Variants in HECW2 observed in about 807,000 individuals in gnomAD.
HECW2 encodes the protein HECT, C2 and WW domain containing E3 ubiquitin protein ligase 2, also known as E3 ubiquitin-protein ligase HECW2.
A neutral mutation model predicts 175.2 loss-of-function variants in HECW2; 61 were observed. That is an observed-to-expected ratio of 0.35 (90% CI 0.28 to 0.43). The LOEUF (loss-of-function observed/expected upper bound fraction) is 0.43. Among genes scored for constraint, HECW2 ranks in the 20% least tolerant of loss-of-function variants. The probability of loss-of-function intolerance (pLI) is 1.00; values close to 1 mark genes in which losing one functional copy is unlikely to be tolerated. For missense variants in HECW2, 1,524 were observed against 2,000.5 expected, an observed-to-expected ratio of 0.76 and a Z score of 4.54; for synonymous variants, 671 against 731.0, an observed-to-expected ratio of 0.92 and a Z score of 1.32.
intron 3 of HECW2, among the ~76,000 whole-genome samples, chr2:196,342,557 G>T (rs964383776): frequency 2.0e-5 from 3 of 151,880 alleles, no homozygotes; most frequent in African/African-American, 7.3e-5. Flanking sequence ...AATATTGGTG[G>T]CAACTATAAA....
intron 1 of HECW2, among the ~76,000 whole-genome samples, chr2:196,486,428 G>A (rs1190765136): frequency 2.0e-5 from 3 of 152,078 alleles, no homozygotes; most frequent in African/African-American, 2.4e-5. Flanking sequence ...ACATGGTCAC[G>A]CACTACAGAT....
At chr2:196,505,562 C>G (rs1687731649) in intron 1 of HECW2, among the ~76,000 whole-genome samples, 2 of 151,590 alleles carry the variant, frequency 1.3e-5, no homozygotes, top group South Asian at 4.2e-4. Context: ...AAAGAGAAAA[C>G]AAAGAAACTA....
intron 1 of HECW2, among the ~76,000 whole-genome samples, chr2:196,562,040 C>G (rs1690019683): frequency 6.6e-6 from 1 of 152,224 alleles, no homozygotes; most frequent in Admixed American, 6.5e-5. Flanking sequence ...CTTTAGACAG[C>G]ATATTTAGAT....
chr2:196,358,130 A>C (rs1317051884), intron 2 of HECW2, among the ~76,000 whole-genome samples: 1 of 152,120 alleles, frequency 6.6e-6, no homozygotes, highest in Non-Finnish European at 1.5e-5. Flanking sequence ...TGGATTTATG[A>C]CCTTGGGCAA....
intron 2 of HECW2, among the ~76,000 whole-genome samples, chr2:196,427,304 T>G (rs1433203879): frequency 1.4e-5 from 1 of 70,108 alleles, no homozygotes; most frequent in Non-Finnish European, 3.5e-5. Flanking sequence ...ATTTTCGTTA[T>G]GCAAAATTAA....
intron 1 of HECW2, among the ~76,000 whole-genome samples, chr2:196,489,474 C>T (rs1263015549): frequency 6.6e-6 from 1 of 151,942 alleles, no homozygotes; most frequent in Non-Finnish European, 1.5e-5. Flanking sequence ...GACCAAAGAA[C>T]CCACATCATG....
intron 13 of HECW2, among the ~76,000 whole-genome samples, chr2:196,304,096 T>C (rs1474984189): frequency 2.6e-5 from 4 of 152,152 alleles, no homozygotes; most frequent in African/African-American, 9.7e-5. Context: ...GAAAACCCTT[T>C]CAGAATAAAG....
rs550110203 is a variant in HECW2, at chr2:196,576,478, G to A, written c.-36+17030C>T. On this transcript the variant is annotated intron_variant, in intron 1 of 28. Coordinates refer to ENST00000644978, the MANE Select transcript of HECW2 (RefSeq NM_001348768.2). The stretch of plus-strand genomic sequence containing the variant: ...TAGTCCAGAAAGACAAGTACTGCAT[G>A]ATCTCACTTATATGTGGAATCGAAA... Among the ~76,000 whole-genome samples the A allele has an allele frequency of 2.6e-5, 4 of 152,268 alleles. No individual in the cohort carries two copies. In the South Asian group the frequency reaches 8.3e-4, roughly 32 times the overall value.
intron 21 of HECW2, among the ~76,000 whole-genome samples, chr2:196,237,176 C>CT (rs141895432): frequency 0.028 from 4,292 of 151,296 alleles, 170 homozygotes; most frequent in African/African-American, 0.096. Flanking sequence ...AGCAGTGATT[C>CT]TTTTTTTTTA....
chr2:196,521,315 A>G (rs1688372355), intron 1 of HECW2, among the ~76,000 whole-genome samples: 1 of 150,968 alleles, frequency 6.6e-6, no homozygotes, highest in South Asian at 2.1e-4. Flanking sequence ...AAAGAAAGAA[A>G]AAGAAAATCC....
intron 20 of HECW2, 124 bp downstream of exon 20, chr2:196,241,960 A>G (rs1688473274): frequency 5.8e-6 from 5 of 857,008 alleles, no homozygotes. Context: ...ACAAATTCCA[A>G]AATAATTATG....
chr2:196,252,049 A>C (rs774274607), intron 19 of HECW2, among the ~76,000 whole-genome samples: 2 of 151,710 alleles, frequency 1.3e-5, no homozygotes, highest in Non-Finnish European at 2.9e-5. Context: ...AAATACAAAA[A>C]TTTGCTGGGC....
intron 28 of HECW2, among the ~76,000 whole-genome samples, chr2:196,214,031 C>G (rs1687383131): frequency 6.6e-6 from 1 of 152,208 alleles, no homozygotes; most frequent in Admixed American, 6.5e-5. Flanking sequence ...ATATGTATTA[C>G]AGATGATGGT....
chr2:196,443,194 T>A (rs59306455), intron 1 of HECW2, among the ~76,000 whole-genome samples: 2 of 151,890 alleles, frequency 1.3e-5, no homozygotes, highest in South Asian at 2.1e-4. Context: ...CTGAAGGCAG[T>A]TGGGGAGAAG....
chr2:196,386,137 A>G (rs1041641755), intron 2 of HECW2, among the ~76,000 whole-genome samples: 6 of 152,250 alleles, frequency 3.9e-5, no homozygotes, highest in Admixed American at 3.3e-4. Context: ...CTTAGGATAC[A>G]TGAGTGAATT....
At chr2:196,398,795 T>G (rs140811793) in intron 2 of HECW2, among the ~76,000 whole-genome samples, 155 of 152,228 alleles carry the variant, frequency 1.0e-3, no homozygotes, top group African/African-American at 3.5e-3. Context: ...GCTCAATAAC[T>G]CTGAGGAGAA....
In HECW2 at chr2:196,318,796, C is replaced by T. The variant is rs761152881; in HGVS notation, c.2094G>A (p.Gln698=). ...PTSSGPAEGS[Q]ESVCTAGSLP... ...AAGAACCAGCAGTGCACACGGATTCCTGCGACCCTTCGGCAGGGCCACTGC... is the reference window on the plus strand; with the variant it reads ...AAGAACCAGCAGTGCACACGGATTCTTGCGACCCTTCGGCAGGGCCACTGC... The change falls in exon 9 of 29, where the codon CAG becomes CAA. Residue 698 remains glutamine (Q), a synonymous_variant. Transcript: ENST00000644978. 1.1e-4 allele frequency: 162 copies of T among 1,528,242 alleles called. 1 individual carries two copies. The highest frequency in any genetic ancestry group is 9.3e-4 in the South Asian group (72 of 77,034). The allele number at this position is 1,528,242 out of a possible 1,614,324, so 94.7% of individuals were successfully genotyped here.
chr2:196,375,397 C>T (rs1694024913), intron 2 of HECW2, among the ~76,000 whole-genome samples: 1 of 152,200 alleles, frequency 6.6e-6, no homozygotes. Context: ...AGAAATCACA[C>T]TGCAATCAAT....
intron 1 of HECW2, among the ~76,000 whole-genome samples, chr2:196,436,340 G>C (rs1453751644): frequency 6.7e-6 from 1 of 148,200 alleles, no homozygotes; most frequent in African/African-American, 2.5e-5. Flanking sequence ...GGCGGAGCTT[G>C]CAGTGAGCAG....
Sources: allele counts gnomAD v4.1 joint callset (sites outside exome capture counted in the v4.1 genomes callset), GRCh38; gene constraint gnomAD v4.1.1; transcripts MANE v1.5; gene names NCBI Gene and HGNC (gene_info 2026-07-23, HGNC 2026-07-21).